Variants in PRR5 observed in about 807,000 individuals in gnomAD.
PRR5 encodes the protein proline-rich protein 5.
Under a neutral mutation model 30.6 loss-of-function variants are expected in PRR5, and 25 were observed. The observed-to-expected ratio is 0.82, with a 90% CI of 0.60 to 1.14. The LOEUF is 1.14. Among genes scored for constraint, PRR5 ranks in the 50% most tolerant of loss-of-function variants. PRR5 has a pLI of 0.00. For synonymous variants in PRR5, 286 were observed against 247.1 expected (o/e 1.16, Z -1.48); for missense variants, 600 against 547.1 (o/e 1.10, Z -0.96).
intron 1 of PRR5, among the ~76,000 whole-genome samples, chr22:44,709,432 G>A (rs544373719): frequency 2.6e-5 from 4 of 152,262 alleles, no homozygotes; most frequent in South Asian, 4.2e-4. Flanking sequence ...GGAGGAAGGG[G>A]CCCCAAGCCA....
intron 1 of PRR5, among the ~76,000 whole-genome samples, chr22:44,708,471 G>C (rs1342003155): frequency 6.6e-6 from 1 of 152,120 alleles, no homozygotes; most frequent in Non-Finnish European, 1.5e-5. Flanking sequence ...ACAGGAACCA[G>C]CTGAGGCTGT....
At chr22:44,706,672 G>A (rs928345913) in intron 1 of PRR5, among the ~76,000 whole-genome samples, 8 of 152,102 alleles carry the variant, frequency 5.3e-5, no homozygotes, top group African/African-American at 1.9e-4. Context: ...ACAGGTGTGT[G>A]CCATCACACC....
At chr22:44,714,202 G>C (rs1046074971) in intron 1 of PRR5, among the ~76,000 whole-genome samples, 32 of 152,364 alleles carry the variant, frequency 2.1e-4, no homozygotes, top group African/African-American at 7.2e-4. Context: ...CCGGGTGGCC[G>C]TGGAGGTAGA....
rs1003351604 is a variant in PRR5, at chr22:44,691,119, G to T, written c.-10-11373G>T. ...AGCCCCCGAGGGCTGTGTGGTGGAGGGGGTGGGCAGGCTGTGGGCAGGGGC... is the reference window on the plus strand; with the variant it reads ...AGCCCCCGAGGGCTGTGTGGTGGAGTGGGTGGGCAGGCTGTGGGCAGGGGC... On this transcript the variant is annotated intron_variant, in intron 1 of 8. Transcript: ENST00000006251. The surrounding 1 kb of genome is among the most constrained non-coding windows in gnomAD (Gnocchi z 4.4). Among the ~76,000 whole-genome samples the T allele has an allele frequency of 1.3e-5, 2 of 152,040 alleles. No individual in the cohort carries two copies. Among genetic ancestry groups the T allele is most frequent in the South Asian group, 2.1e-4 (1 of 4,824 alleles).
chr22:44,700,308 T>TA (rs952496371), upstream of PRR5, among the ~76,000 whole-genome samples: 4 of 152,086 alleles, frequency 2.6e-5, no homozygotes, highest in African/African-American at 9.6e-5. Flanking sequence ...TACTAATAAA[T>TA]AAAAAAATCA....
intron 1 of PRR5, chr22:44,679,986 G>C: frequency 9.0e-7 from 1 of 1,106,424 alleles, no homozygotes; most frequent in South Asian, 1.5e-5. Flanking sequence ...AGGACGGCGA[G>C]AGACCCACGG....
Position 44,691,640 on chromosome 22 carries a change from G to T in PRR5, c.-10-10852G>T, listed in dbSNP as rs2146969115. ...AACACAAAAACTAGCCAGGCGTGGT[G>T]GTGCACGCCTGTAATCGCAGCTACT... On this transcript the variant is annotated intron_variant, in intron 1 of 8. Transcript: ENST00000006251. The surrounding 1 kb of genome is among the most constrained non-coding windows in gnomAD (Gnocchi z 4.4). Among the ~76,000 whole-genome samples the T allele has an allele frequency of 6.6e-6, 1 of 152,308 alleles. No individual in the cohort carries two copies. The highest frequency in any genetic ancestry group is 3.4e-3 in the Middle Eastern group (1 of 294).
At chr22:44,732,593 C>T (rs980596817) in intron 6 of PRR5, among the ~76,000 whole-genome samples, 2 of 152,146 alleles carry the variant, frequency 1.3e-5, no homozygotes, top group South Asian at 2.1e-4. Flanking sequence ...GCTGCAGACC[C>T]GTTCCTCTTG....
chr22:44,687,418 C>T (rs1444806578), intron 1 of PRR5, among the ~76,000 whole-genome samples: 2 of 152,172 alleles, frequency 1.3e-5, no homozygotes, highest in Admixed American at 6.6e-5. Flanking sequence ...GCCACTTTCT[C>T]ATCGGTTGGG....
At chr22:44,679,521 A>G (rs1456815628) in intron 1 of PRR5, 1 of 266,506 alleles carries the variant, frequency 3.8e-6, no homozygotes, top group East Asian at 8.5e-5. Flanking sequence ...CCGGACCAAC[A>G]TGGAGAAACC....
intron 1 of PRR5, among the ~76,000 whole-genome samples, chr22:44,710,922 A>G (rs1928116750): frequency 6.6e-6 from 1 of 152,070 alleles, no homozygotes; most frequent in Non-Finnish European, 1.5e-5. Flanking sequence ...ACCTTACAGC[A>G]CCCCGGGCGG....
chr22:44,697,028 C>T (rs1256196009), intron 1 of PRR5, among the ~76,000 whole-genome samples: 1 of 152,176 alleles, frequency 6.6e-6, no homozygotes, highest in East Asian at 1.9e-4. Flanking sequence ...TGAGCCACCA[C>T]ACCCGGCCAG....
upstream of PRR5, among the ~76,000 whole-genome samples, chr22:44,674,976 CG>C (rs1178730939): frequency 1.1e-4 from 15 of 136,076 alleles, no homozygotes; most frequent in Admixed American, 7.6e-4. Context: ...AGGCTGGGCG[CG>C]GTGGCTCACG....
chr22:44,713,897 G>A (rs148728831), intron 1 of PRR5, among the ~76,000 whole-genome samples: 122 of 152,242 alleles, frequency 8.0e-4, no homozygotes, highest in African/African-American at 2.7e-3. Flanking sequence ...TCTGCCTCCC[G>A]GGTTCACGCC....
chr22:44,708,641 T>G (rs1382723313), intron 1 of PRR5, among the ~76,000 whole-genome samples: 4 of 151,980 alleles, frequency 2.6e-5, no homozygotes, highest in Non-Finnish European at 4.4e-5. Context: ...AGCTCAATAC[T>G]CCCATTTTGC....
chr22:44,729,726 C>T (rs1921579400), intron 4 of PRR5: 2 of 985,488 alleles, frequency 2.0e-6, no homozygotes, highest in African/African-American at 3.5e-5. Context: ...CCCTTCCTGG[C>T]CTCTCGTCAC....
intron 1 of PRR5, among the ~76,000 whole-genome samples, chr22:44,680,191 T>C (rs1361436524): frequency 6.6e-6 from 1 of 152,200 alleles, no homozygotes. Flanking sequence ...GGTCCAGGGT[T>C]CAAGTCCCAG....
intron 2 of PRR5, among the ~76,000 whole-genome samples, chr22:44,723,925 T>C (rs1309386736): frequency 6.6e-6 from 1 of 152,240 alleles, no homozygotes; most frequent in Non-Finnish European, 1.5e-5. Flanking sequence ...TTGCTGTCTG[T>C]GCATGAACTG....
Position 44,736,821 on chromosome 22 carries a change from C to A in PRR5, c.741C>A (p.Asn247Lys). Residue 247 changes from asparagine to lysine, a missense_variant, in exon 8 of 8, where the codon AAC becomes AAA. Physicochemically the swap from Asn to Lys is moderately conservative, Grantham distance 94. Coordinates refer to ENST00000336985, the MANE Select transcript of PRR5 (RefSeq NM_181333.4). The part of the protein sequence containing the change: ...RSRSGDVLAK[N>K]PVVRSKSYNT... ...GCTCGGGGGACGTGCTGGCCAAGAA[C>A]CCTGTGGTGCGCTCCAAGAGCTACA... 1 of 1,588,466 alleles carries A rather than the reference C, an allele frequency of 6.3e-7. No individual in the cohort carries two copies. Among genetic ancestry groups the A allele is most frequent in the Non-Finnish European group, 8.6e-7 (1 of 1,161,824 alleles).
Sources: allele counts gnomAD v4.1 joint callset (sites outside exome capture counted in the v4.1 genomes callset), GRCh38; gene constraint gnomAD v4.1.1; non-coding constraint Gnocchi (gnomAD v3.1); transcripts MANE v1.5; gene names NCBI Gene and HGNC (gene_info 2026-07-23, HGNC 2026-07-21).